CTTNBP2: variants seen among roughly 807,000 people sequenced by gnomAD.
The protein encoded by CTTNBP2 is cortactin binding protein 2, also known as cortactin-binding protein 2.
Under a neutral mutation model 156.9 loss-of-function variants are expected in CTTNBP2, and 108 were observed. That is an observed-to-expected ratio of 0.69 (90% confidence interval 0.59 to 0.81). CTTNBP2 has a LOEUF of 0.81. Among genes scored for constraint, CTTNBP2 ranks in the 30% least tolerant of loss-of-function variants. The pLI is 0.00. For synonymous variants in CTTNBP2, 767 were observed against 751.8 expected (o/e 1.02, Z -0.33); for missense variants, 1,924 against 2,035.4 (o/e 0.95, Z 1.05).
At chr7:117,749,551 A>G (rs997503164) in intron 12 of CTTNBP2, among the ~76,000 whole-genome samples, 1 of 152,180 alleles carries the variant, frequency 6.6e-6, no homozygotes, top group Non-Finnish European at 1.5e-5. Context: ...ACTAATCCCC[A>G]CCAACTTTTT....
At chr7:117,783,006 T>A (rs977625350) in intron 5 of CTTNBP2, 45 bp from the exon 6 acceptor site, 1 of 1,391,872 alleles carries the variant, frequency 7.2e-7, no homozygotes, top group African/African-American at 1.4e-5. Flanking sequence ...CATTTGGAGT[T>A]ATGATGTGCC....
At chr7:117,832,048 A>G (rs991096577) in intron 2 of CTTNBP2, among the ~76,000 whole-genome samples, 4 of 152,098 alleles carry the variant, frequency 2.6e-5, no homozygotes, top group African/African-American at 9.7e-5. Flanking sequence ...CTGAAACTCA[A>G]CAAGAATTAA....
Position 117,784,361 on chromosome 7 carries a change from C to A in CTTNBP2, c.2162G>T (p.Gly721Val). The A allele has an allele frequency of 6.2e-7, 1 of 1,613,912 alleles. No individual in the cohort carries two copies. Among genetic ancestry groups the A allele is most frequent in the Non-Finnish European group, 8.5e-7 (1 of 1,179,962 alleles). ...PTLLQQAAAQ[G>V]NVTLLSMLLN... Reference sequence around the variant, plus strand: ...CAGCATTGATAATAAAGTGACATTTCCCTGGGCAGCAGCTTGCTGAAGAAG... The same window carrying A: ...CAGCATTGATAATAAAGTGACATTTACCTGGGCAGCAGCTTGCTGAAGAAG... The change falls in exon 5 of 23, where the codon GGA becomes GTA. Residue 721 changes from glycine (G) to valine (V), a missense_variant. By Grantham distance (109) the Gly-to-Val change is moderately radical. Coordinates refer to ENST00000160373, the MANE Select transcript of CTTNBP2 (RefSeq NM_033427.3).
intron 3 of CTTNBP2, among the ~76,000 whole-genome samples, chr7:117,799,382 T>C (rs868375544): frequency 2.6e-5 from 4 of 151,888 alleles, no homozygotes; most frequent in Non-Finnish European, 2.9e-5. Flanking sequence ...TGTAACTCAA[T>C]ATATTAAAAG....
chr7:117,755,473 A>G, intron 12 of CTTNBP2: 3 of 412,644 alleles, frequency 7.3e-6, no homozygotes, highest in South Asian at 3.5e-5. Context: ...TATTAGTTTC[A>G]GATTGATCTC....
At chr7:117,809,299 T>G (rs1018228566) in intron 3 of CTTNBP2, among the ~76,000 whole-genome samples, 3 of 152,210 alleles carry the variant, frequency 2.0e-5, no homozygotes, top group African/African-American at 7.2e-5. Flanking sequence ...AGTAAAATTT[T>G]AGGAAAGTGT....
rs1423751733 is a variant in CTTNBP2 at position 117,735,060 on chromosome 7, G to C, written c.3729C>G (p.Cys1243Trp). 7 of 1,614,018 alleles carry C rather than the reference G, an allele frequency of 4.3e-6. No individual in the cohort carries two copies. Among genetic ancestry groups the C allele is most frequent in the Non-Finnish European group, 5.9e-6 (7 of 1,179,996 alleles). ...LSECYYFHEN[C>W]FLMGTIAKAC... ...CCTTGGCGATGGTTCCCATCAGAAA[G>C]CAGTTCTCATGAAAGTAATAACATT... is the stretch of plus-strand genomic sequence containing the variant. Residue 1243 changes from cysteine (C) to tryptophan (W), a missense_variant, in exon 16 of 23, where the codon TGC becomes TGG. By Grantham distance (215) the Cys-to-Trp change is radical. Transcript: ENST00000160373.
intron 3 of CTTNBP2, among the ~76,000 whole-genome samples, chr7:117,807,843 G>A (rs1800040114): frequency 6.6e-6 from 1 of 152,204 alleles, no homozygotes; most frequent in African/African-American, 2.4e-5. Flanking sequence ...TGGCTGGGAA[G>A]AGCTAGTCCT....
intron 2 of CTTNBP2, among the ~76,000 whole-genome samples, 193 bp from the exon 3 acceptor site, chr7:117,811,182 C>T (rs748959901): frequency 1.3e-5 from 2 of 152,158 alleles, no homozygotes; most frequent in Non-Finnish European, 2.9e-5. Context: ...ATTCCATCTG[C>T]TTTCAAATTT....
At chr7:117,841,523 A>C (rs904706662) in intron 2 of CTTNBP2, among the ~76,000 whole-genome samples, 1 of 152,018 alleles carries the variant, frequency 6.6e-6, no homozygotes, top group African/African-American at 2.4e-5. Context: ...CTATATATAC[A>C]TGTGCCAGAA....
intron 1 of CTTNBP2, among the ~76,000 whole-genome samples, chr7:117,862,437 G>T (rs1322018062): frequency 6.6e-6 from 1 of 152,162 alleles, no homozygotes. Context: ...TAAATCCCAT[G>T]AATATACCAT....
At chr7:117,785,914 T>A (rs1432022144) in intron 4 of CTTNBP2, among the ~76,000 whole-genome samples, 1 of 152,174 alleles carries the variant, frequency 6.6e-6, no homozygotes, top group Non-Finnish European at 1.5e-5. Flanking sequence ...GGCCACCTGA[T>A]TACGATATGT....
intron 2 of CTTNBP2, 22 bp from the exon 3 acceptor site, chr7:117,811,011 G>C: frequency 6.5e-7 from 1 of 1,527,730 alleles, no homozygotes; most frequent in Non-Finnish European, 9.0e-7. Context: ...TTAGAGAAAT[G>C]TATTGAAGAA....
intron 14 of CTTNBP2, among the ~76,000 whole-genome samples, chr7:117,740,951 A>G (rs981480686): frequency 2.0e-5 from 3 of 152,128 alleles, no homozygotes; most frequent in Non-Finnish European, 4.4e-5. Flanking sequence ...GGGTTTTAGG[A>G]GATGAGGGTG....
chr7:117,806,293 T>C (rs905711094), intron 3 of CTTNBP2, among the ~76,000 whole-genome samples: 3 of 152,164 alleles, frequency 2.0e-5, no homozygotes, highest in Non-Finnish European at 4.4e-5. Context: ...GGGAAAACTA[T>C]GTAGGTGGGA....
In CTTNBP2 at chr7:117,784,203, C is replaced by G. The variant is rs560379756; in HGVS notation, c.2272+48G>C. Reference sequence around the variant, plus strand: ...TTACAATTGATACATGGGCTTTTGACTTTCCATCCTTTTGCAAGTGTGTGG... The same window carrying G: ...TTACAATTGATACATGGGCTTTTGAGTTTCCATCCTTTTGCAAGTGTGTGG... On this transcript the variant is annotated intron_variant, in intron 5 of 22. Coordinates refer to ENST00000160373, the MANE Select transcript of CTTNBP2 (RefSeq NM_033427.3). 58 of 1,421,964 alleles carry G rather than the reference C, an allele frequency of 4.1e-5. 2 individuals carry two copies. The South Asian group carries it at 8.3e-4, about 20-fold the overall frequency. 88.1% of individuals were successfully genotyped at this position (1,421,964 alleles called of 1,614,324 possible).
In CTTNBP2 at chr7:117,728,231, A is replaced by G. The variant is rs1290443023; in HGVS notation, c.3913T>C (p.Cys1305Arg). 1 of 1,614,002 alleles carries G rather than the reference A, an allele frequency of 6.2e-7. No homozygotes were observed. Among genetic ancestry groups the G allele is most frequent in the Non-Finnish European group, 8.5e-7 (1 of 1,179,974 alleles). ...GACAGAGCCCAGTCGACAATCTTGCACACAGGATCGCAGGGGGAGGGCGCC... is the reference window on the plus strand; with the variant it reads ...GACAGAGCCCAGTCGACAATCTTGCGCACAGGATCGCAGGGGGAGGGCGCC... ...GQAPSPCDPV[C>R]KIVDWALSVW... The change falls in exon 17 of 23, where the codon TGC becomes CGC. Residue 1305 changes from cysteine (C) to arginine (R), a missense_variant. By Grantham distance (180) the Cys-to-Arg change is radical. Coordinates refer to ENST00000160373, the MANE Select transcript of CTTNBP2 (RefSeq NM_033427.3).
At chr7:117,846,941 T>C (rs549148568) in intron 2 of CTTNBP2, among the ~76,000 whole-genome samples, 1 of 152,166 alleles carries the variant, frequency 6.6e-6, no homozygotes, top group African/African-American at 2.4e-5. Flanking sequence ...AAAATGGTAG[T>C]GAATGTTTAC....
Position 117,873,388 on chromosome 7 carries a change from G to A in CTTNBP2, c.28C>T (p.Pro10Ser), listed in dbSNP as rs1804766932. The A allele has an allele frequency of 1.3e-6, 2 of 1,488,664 alleles. No homozygotes were observed. The highest frequency in any genetic ancestry group is 1.3e-5 in the South Asian group (1 of 77,700). 92.2% of individuals were successfully genotyped at this position (1,488,664 alleles called of 1,614,324 possible). A position where few individuals can be genotyped will look rare whatever the true frequency, so the allele number is the denominator to read the frequency against. MATDGASCE[P>S]DLSRAPEDAA... ...TCCTCCGGGGCCCGGGACAAGTCGG[G>A]CTCGCAGCTCGCGCCGTCCGTCGCC... is the stretch of plus-strand genomic sequence containing the variant. Residue 10 changes from proline to serine, a missense_variant, in exon 1 of 23, where the codon CCC (proline) becomes TCC (serine). Transcript: ENST00000160373.
Sources: allele counts gnomAD v4.1 joint callset (sites outside exome capture counted in the v4.1 genomes callset), GRCh38; gene constraint gnomAD v4.1.1; transcripts MANE v1.5; gene names NCBI Gene and HGNC (gene_info 2026-07-23, HGNC 2026-07-21).